Variants in FHOD3 observed in about 807,000 individuals in gnomAD.
FHOD3 encodes formin homology 2 domain containing 3.
Under a neutral mutation model 173.0 loss-of-function variants are expected in FHOD3, and 90 were observed. That is an observed-to-expected ratio of 0.52 (90% CI 0.44 to 0.62). FHOD3 has a LOEUF of 0.62. FHOD3 is among the 20% of genes least tolerant of loss of function. The pLI, the probability that FHOD3 is intolerant of heterozygous loss-of-function variation, is 0.00. For synonymous variants in FHOD3, 828 were observed against 823.0 expected (o/e 1.01, Z -0.10); for missense variants, 1,945 against 2,034.7 (o/e 0.96, Z 0.85).
intron 13 of FHOD3, among the ~76,000 whole-genome samples, chr18:36,654,461 AT>A (rs1041688919): frequency 1.3e-5 from 2 of 152,056 alleles, no homozygotes; most frequent in African/African-American, 4.8e-5. Context: ...TATGCTTTAT[AT>A]TTTTTTCAAA....
At chr18:36,409,787 C>G (rs1361808500) in intron 3 of FHOD3, among the ~76,000 whole-genome samples, 1 of 152,194 alleles carries the variant, frequency 6.6e-6, no homozygotes, top group East Asian at 1.9e-4. Context: ...TCTGGCAGCA[C>G]AGTGGCAGCT....
intron 3 of FHOD3, among the ~76,000 whole-genome samples, chr18:36,429,449 T>C (rs2050416060): frequency 6.6e-6 from 1 of 152,180 alleles, no homozygotes; most frequent in Non-Finnish European, 1.5e-5. Context: ...CATGTGGGAC[T>C]TTAGTTCTTA....
intron 3 of FHOD3, among the ~76,000 whole-genome samples, chr18:36,421,285 A>G (rs1239186797): frequency 6.6e-6 from 1 of 152,020 alleles, no homozygotes; most frequent in African/African-American, 2.4e-5. Flanking sequence ...TCTAACTTTT[A>G]TGCTTAGATA....
intron 4 of FHOD3, among the ~76,000 whole-genome samples, chr18:36,508,250 A>G (rs1437778926): frequency 6.6e-6 from 1 of 151,108 alleles, no homozygotes; most frequent in Non-Finnish European, 1.5e-5. Flanking sequence ...ACCCATGTAT[A>G]TTATCTTAAG....
At chr18:36,483,999 G>A (rs1447744925) in intron 3 of FHOD3, among the ~76,000 whole-genome samples, 4 of 152,166 alleles carry the variant, frequency 2.6e-5, no homozygotes, top group Non-Finnish European at 2.9e-5. Flanking sequence ...GTAGAAATGC[G>A]GAATCCCAGG....
At chr18:36,455,652 C>A (rs2052155657) in intron 3 of FHOD3, among the ~76,000 whole-genome samples, 1 of 150,234 alleles carries the variant, frequency 6.7e-6, no homozygotes, top group African/African-American at 2.5e-5. Flanking sequence ...AAAAATTTTT[C>A]AAAAAAAATA....
In FHOD3 at chr18:36,775,010, G is replaced by A. The variant is rs995821935; in HGVS notation, c.4787-4438G>A. Among the ~76,000 whole-genome samples, 2 of 152,146 alleles carry A rather than the reference G, an allele frequency of 1.3e-5. 1 individual carries two copies. The highest frequency in any genetic ancestry group is 2.9e-5 in the Non-Finnish European group (2 of 68,022). On this transcript the variant is annotated intron_variant, in intron 28 of 28. Coordinates refer to ENST00000590592, the MANE Select transcript of FHOD3 (RefSeq NM_001281740.3). Reference sequence around the variant, plus strand: ...GTGGAAAAAAAGGAAGTCCTAGGGAGCACATCTGGCCCTGCCGTTTTACGT... The same window carrying A: ...GTGGAAAAAAAGGAAGTCCTAGGGAACACATCTGGCCCTGCCGTTTTACGT...
intron 1 of FHOD3, among the ~76,000 whole-genome samples, chr18:36,310,504 G>T (rs931775409): frequency 3.0e-4 from 45 of 152,074 alleles, no homozygotes; most frequent in African/African-American, 1.1e-3. Context: ...TGGCCAACAT[G>T]GCGAAACCCC....
chr18:36,770,252 C>A (rs1274894297), intron 28 of FHOD3, among the ~76,000 whole-genome samples: 1 of 152,216 alleles, frequency 6.6e-6, no homozygotes, highest in African/African-American at 2.4e-5. Context: ...GGGTTAGTGA[C>A]AAGGAAAGAA....
At chr18:36,698,792 T>C (rs1350754998) in intron 17 of FHOD3, among the ~76,000 whole-genome samples, 1 of 152,212 alleles carries the variant, frequency 6.6e-6, no homozygotes, top group Non-Finnish European at 1.5e-5. Flanking sequence ...CTTCTAGTGA[T>C]AGCAATAGCC....
intron 1 of FHOD3, among the ~76,000 whole-genome samples, chr18:36,330,535 C>T (rs555185182): frequency 1.0e-3 from 154 of 152,138 alleles, no homozygotes; most frequent in Admixed American, 9.1e-3. Flanking sequence ...TGGGCTTTGC[C>T]GGAATGGGTA....
At chr18:36,577,436 G>A (rs989700390) in intron 6 of FHOD3, among the ~76,000 whole-genome samples, 3 of 152,118 alleles carry the variant, frequency 2.0e-5, no homozygotes, top group African/African-American at 7.2e-5. Context: ...AAGTAGGTGG[G>A]ATTAAAGGCA....
intron 1 of FHOD3, among the ~76,000 whole-genome samples, chr18:36,300,627 C>T (rs1274118736): frequency 6.6e-6 from 1 of 152,214 alleles, no homozygotes; most frequent in African/African-American, 2.4e-5. Context: ...GTGCAGCGAG[C>T]GCATTCTCAG....
intron 15 of FHOD3, among the ~76,000 whole-genome samples, 169 bp downstream of exon 15, chr18:36,681,739 T>C (rs1039651529): frequency 6.6e-6 from 1 of 152,206 alleles, no homozygotes; most frequent in African/African-American, 2.4e-5. Flanking sequence ...TGGTTTGTTA[T>C]GGCTTTTGTT....
At chr18:36,486,306 A>G (rs765055679) in intron 3 of FHOD3, among the ~76,000 whole-genome samples, 4 of 152,162 alleles carry the variant, frequency 2.6e-5, no homozygotes, top group East Asian at 1.9e-4. Context: ...TCTGTACTCT[A>G]TCTCAATGCA....
At chr18:36,761,269 T>C (rs749276591) in intron 27 of FHOD3, among the ~76,000 whole-genome samples, 37 of 152,218 alleles carry the variant, frequency 2.4e-4, no homozygotes, top group Non-Finnish European at 4.7e-4. Flanking sequence ...TGTCCCTTTT[T>C]CACATCCTTA....
intron 10 of FHOD3, among the ~76,000 whole-genome samples, chr18:36,646,385 G>T (rs2035684946): frequency 6.6e-6 from 1 of 152,056 alleles, no homozygotes; most frequent in African/African-American, 2.4e-5. Flanking sequence ...GTAAGATTAG[G>T]TCTAAATAAA....
chr18:36,730,682 GTT>G lies in FHOD3; in HGVS notation c.3455_3456del (p.Val1152AlafsTer7). ...AADGKRQEII[V>X]LDSKRSNAIN... ...AGATGGAAAAAGGCAAGAGATCATT[GTT>G]CTGGATTCCAAGAGGAGTAACGCCA... On this transcript the variant is annotated frameshift_variant, in exon 20 of 29. Transcript: ENST00000590592. LOFTEE classifies it high-confidence loss of function. 6.2e-7 allele frequency: 1 copy of G among 1,613,984 alleles called. No individual in the cohort carries two copies. The highest frequency in any genetic ancestry group is 8.5e-7 in the Non-Finnish European group (1 of 1,179,980).
intron 2 of FHOD3, among the ~76,000 whole-genome samples, chr18:36,370,840 C>T (rs1185469493): frequency 6.6e-6 from 1 of 152,216 alleles, no homozygotes; most frequent in Non-Finnish European, 1.5e-5. Context: ...TTTTCTGCTC[C>T]TAGCTGCTGT....
Sources: allele counts gnomAD v4.1 joint callset (sites outside exome capture counted in the v4.1 genomes callset), GRCh38; gene constraint gnomAD v4.1.1; transcripts MANE v1.5; gene names NCBI Gene and HGNC (gene_info 2026-07-23, HGNC 2026-07-21).